The following CPSF6 variants were observed in gnomAD, a reference collection of about 807,000 sequenced individuals.
CPSF6 encodes cleavage and polyadenylation specific factor 6.
CPSF6 carries 10 observed loss-of-function variants against 56.7 expected under a neutral mutation model. That is an observed-to-expected ratio of 0.18 (90% CI 0.11 to 0.30). The LOEUF is 0.30. CPSF6 is among the 10% of genes least tolerant of loss of function. The probability of loss-of-function intolerance (pLI) is 1.00; values close to 1 mark genes in which losing one functional copy is unlikely to be tolerated. For synonymous variants in CPSF6, 248 were observed against 244.8 expected, an observed-to-expected ratio of 1.01 and a Z score of -0.12; for missense variants, 419 against 722.9, an observed-to-expected ratio of 0.58 and a Z score of 4.82.
chr12:69,252,274 C>T (rs987952006), intron 2 of CPSF6: 1 of 322,902 alleles, frequency 3.1e-6, no homozygotes. Flanking sequence ...GTAGAGCTGA[C>T]TTCTTGCTAT....
At chr12:69,241,709 TG>T (rs1215665689) in intron 1 of CPSF6, among the ~76,000 whole-genome samples, 1 of 152,206 alleles carries the variant, frequency 6.6e-6, no homozygotes, top group East Asian at 1.9e-4. Flanking sequence ...TCCTTTTAAA[TG>T]TAAGTTTTCA....
chr12:69,247,461 AT>A (rs1183740440), intron 1 of CPSF6, among the ~76,000 whole-genome samples: 1 of 151,988 alleles, frequency 6.6e-6, no homozygotes, highest in Non-Finnish European at 1.5e-5. Context: ...AGCAGATAAG[AT>A]TGGGCAACAT....
intron 3 of CPSF6, chr12:69,255,168 C>T (rs953219348): frequency 2.0e-5 from 3 of 152,196 alleles, no homozygotes; most frequent in African/African-American, 7.2e-5. Context: ...TGGCTTTTTT[C>T]CTTAGCATAA....
rs770000475 is a variant in CPSF6, at chr12:69,258,690, G to A, written c.795G>A (p.Gly265=). 2 of 1,613,866 alleles carry A rather than the reference G, an allele frequency of 1.2e-6. No homozygotes were observed. The highest frequency in any genetic ancestry group is 1.7e-6 in the Non-Finnish European group (2 of 1,179,974). Residue 265 remains glycine (G), a synonymous_variant, in exon 6 of 10, where the codon GGG becomes GGA. Coordinates refer to ENST00000435070, the MANE Select transcript of CPSF6 (RefSeq NM_007007.3). The surrounding 1 kb of genome is among the most constrained non-coding windows in gnomAD (Gnocchi z 4.2). ...AGGTTCTGCCTCCTCCTCTAGCTGG[G>A]CCTCCTAATCGAGGAGATCGCCCTC... The part of the protein sequence containing the change: ...PGQVLPPPLA[G]PPNRGDRPPP...
intron 7 of CPSF6, 155 bp from the exon 8 acceptor site, chr12:69,259,889 C>T: frequency 1.1e-5 from 3 of 278,240 alleles, no homozygotes; most frequent in Non-Finnish European, 1.6e-5. Context: ...AAGGCTTTTG[C>T]AAATGGTGAA....
rs769705740 is a variant in CPSF6, at chr12:69,273,766, A to G, written c.*4258A>G. ...GGAAAGGATCCTTTGGGTATAAATCATAATGTATTTTAAGGAATGCATCTA... is the reference window on the plus strand; with the variant it reads ...GGAAAGGATCCTTTGGGTATAAATCGTAATGTATTTTAAGGAATGCATCTA... On this transcript the variant is annotated 3_prime_UTR_variant, in exon 10 of 10. Coordinates refer to ENST00000435070, the MANE Select transcript of CPSF6 (RefSeq NM_007007.3). 2.0e-5 allele frequency: 3 copies of G among 151,916 alleles called. No homozygotes were observed. The highest frequency in any genetic ancestry group is 4.4e-5 in the Non-Finnish European group (3 of 67,862). 9.4% of individuals were successfully genotyped at this position (151,916 alleles called of 1,614,324 possible). A position where few individuals can be genotyped will look rare whatever the true frequency, so the allele number is the denominator to read the frequency against.
rs550449888 is a variant in CPSF6 at position 69,255,606 on chromosome 12, A to G, written c.375-1091A>G. On this transcript the variant is annotated intron_variant, in intron 3 of 9. Transcript: ENST00000435070. Reference sequence around the variant, plus strand: ...ACCCAGGCTGGAGTGCAGTGGCGCAATCTTGGCTCATTGCAACTTCTGCCT... The same window carrying G: ...ACCCAGGCTGGAGTGCAGTGGCGCAGTCTTGGCTCATTGCAACTTCTGCCT... Among the ~76,000 whole-genome samples the G allele has an allele frequency of 9.2e-5, 14 of 152,136 alleles. 1 individual carries two copies. Among genetic ancestry groups the G allele is most frequent in the Non-Finnish European group, 1.8e-4 (12 of 68,028 alleles).
Position 69,258,366 on chromosome 12 carries a change from A to G in CPSF6, c.695-224A>G, listed in dbSNP as rs1438490751. Among the ~76,000 whole-genome samples the G allele has an allele frequency of 6.6e-6, 1 of 152,162 alleles. No homozygotes were observed. Among genetic ancestry groups the G allele is most frequent in the African/African-American group, 2.4e-5 (1 of 41,440 alleles). ...AGGCATTGTAATATTTTTTTATTAA[A>G]GTTTTCGTTTCAATAATTTTTCTTA... On this transcript the variant is annotated intron_variant, in intron 5 of 9. Transcript: ENST00000435070. This position sits in a 1 kb window ranked among gnomAD's most constrained non-coding sequence, Gnocchi z 4.2.
chr12:69,244,389 A>G, intron 1 of CPSF6, among the ~76,000 whole-genome samples: 1 of 151,724 alleles, frequency 6.6e-6, no homozygotes. Flanking sequence ...ATGCCTGCCT[A>G]ATTATTGTAT....
rs3051104 is a variant in CPSF6, at chr12:69,274,109, C to CTTTTTTTTTTTTTT, written c.*4606_*4619dup. 2.5e-5 allele frequency: 3 copies of CTTTTTTTTTTTTTT among 119,088 alleles called. No individual in the cohort carries two copies. The highest frequency in any genetic ancestry group is 9.8e-5 in the African/African-American group (3 of 30,602). 7.4% of individuals were successfully genotyped at this position (119,088 alleles called of 1,614,324 possible). Reference sequence around the variant, plus strand: ...GTAAGGTGATAATTGATCTAATAGACTTTTTTTTTTTTTTTTTTGCTGTCC... The same window carrying CTTTTTTTTTTTTTT: ...GTAAGGTGATAATTGATCTAATAGACTTTTTTTTTTTTTTTTTTTTTTTTTTTTTTTTGCTGTCC... On this transcript the variant is annotated 3_prime_UTR_variant, in exon 10 of 10. Coordinates refer to ENST00000435070, the MANE Select transcript of CPSF6 (RefSeq NM_007007.3).
rs1871489349 is a variant in CPSF6 at position 69,239,632 on chromosome 12, C to CGAGGCT, written c.-12_-7dup. The CGAGGCT allele has an allele frequency of 2.6e-6, 4 of 1,565,398 alleles. No individual in the cohort carries two copies. The highest frequency in any genetic ancestry group is 2.8e-5 in the African/African-American group (2 of 70,484). Reference sequence around the variant, plus strand: ...AGGAGGCGGCGGCGGCGGCGGCGGCCGAGGCTGAAGGAAGATGGCGGACGG... The same window carrying CGAGGCT: ...AGGAGGCGGCGGCGGCGGCGGCGGCCGAGGCTGAGGCTGAAGGAAGATGGCGGACGG... On this transcript the variant is annotated 5_prime_UTR_variant, in exon 1 of 10. Coordinates refer to ENST00000435070, the MANE Select transcript of CPSF6 (RefSeq NM_007007.3).
chr12:69,273,031 GCC>G lies in CPSF6; in HGVS notation c.*3524_*3525del, dbSNP rs1873324195. On this transcript the variant is annotated 3_prime_UTR_variant, in exon 10 of 10. Coordinates refer to ENST00000435070, the MANE Select transcript of CPSF6 (RefSeq NM_007007.3). ...AAAATTATAAATTTATTAAGATGTG[GCC>G]TTACATATGGCATTCCTTGTGTTCG... is the stretch of plus-strand genomic sequence containing the variant. 8 of 243,226 alleles carry G rather than the reference GCC, an allele frequency of 3.3e-5. No homozygotes were observed. Among genetic ancestry groups the G allele is most frequent in the Admixed American group, 2.5e-4 (5 of 19,732 alleles). The allele number at this position is 243,226 out of a possible 1,614,324, so 15.1% of individuals were successfully genotyped here.
chr12:69,251,521 G>A (rs1317839642), intron 2 of CPSF6, among the ~76,000 whole-genome samples, 183 bp downstream of exon 2: 1 of 151,986 alleles, frequency 6.6e-6, no homozygotes, highest in African/African-American at 2.4e-5. Context: ...AATTCTTCTA[G>A]TTTTGAGTTT....
chr12:69,252,661 T>C (rs2120514395), intron 2 of CPSF6, among the ~76,000 whole-genome samples: 1 of 152,340 alleles, frequency 6.6e-6, no homozygotes, highest in Admixed American at 6.5e-5. Context: ...ATGTTAGTTT[T>C]TTCTTATCTG....
rs1248893566 is a variant in CPSF6 at position 69,262,426 on chromosome 12, G to A, written c.1523G>A (p.Arg508His). The change falls in exon 9 of 10, where the codon CGT becomes CAT. Residue 508 changes from arginine (R) to histidine (H), a missense_variant. Transcript: ENST00000435070. ...DHSRSREKSR[R>H]HKSRSRDRHD... ...AGTAGATCACGAGAAAAGAGTCGAC[G>A]TCATAAATCCCGTAGTAGAGACCGT... 9 of 1,612,432 alleles carry A rather than the reference G, an allele frequency of 5.6e-6. No individual in the cohort carries two copies. The highest frequency in any genetic ancestry group is 6.8e-6 in the Non-Finnish European group (8 of 1,178,856).
chr12:69,260,856 T>C (rs1426646756), intron 8 of CPSF6, among the ~76,000 whole-genome samples: 1 of 152,142 alleles, frequency 6.6e-6, no homozygotes, highest in African/African-American at 2.4e-5. Flanking sequence ...CAAGTAATCC[T>C]CTCAGCTTGG....
Position 69,239,756 on chromosome 12 carries a change from G to A in CPSF6, c.60+50G>A, listed in dbSNP as rs370008231. 12 of 1,533,390 alleles carry A rather than the reference G, an allele frequency of 7.8e-6. No individual in the cohort carries two copies. The African/African-American group carries it at 1.3e-4, about 17-fold the overall frequency. 95.0% of individuals were successfully genotyped at this position (1,533,390 alleles called of 1,614,324 possible). On this transcript the variant is annotated intron_variant, in intron 1 of 9. Transcript: ENST00000435070. The stretch of plus-strand genomic sequence containing the variant: ...CGCCGACGCGGGCGGCGCTGCGGCC[G>A]GGAAGCTGACCCGGGGCCCGCTGCG...
At position 69,258,982 on chromosome 12, in the gene CPSF6, C is replaced by G; in HGVS notation, c.1087C>G (p.Pro363Ala). The G allele has an allele frequency of 6.2e-7, 1 of 1,613,446 alleles. No homozygotes were observed. The highest frequency in any genetic ancestry group is 2.2e-5 in the East Asian group (1 of 44,876). Reference sequence around the variant, plus strand: ...TCCGCATGTGAACCCAGCTTTCTTTCCTCCACCAACTAACAGTGGCATGCC... The same window carrying G: ...TCCGCATGTGAACCCAGCTTTCTTTGCTCCACCAACTAACAGTGGCATGCC... Reference protein sequence around the residue: ...PAPHVNPAFFPPPTNSGMPTS... With the variant: ...PAPHVNPAFFAPPTNSGMPTS... Residue 363 changes from proline to alanine, a missense_variant, in exon 6 of 10, where the codon CCT (proline) becomes GCT (alanine). By Grantham distance (27) the Pro-to-Ala change is conservative (BLOSUM62 -1). This residue lies in a region of CPSF6 where 211 missense variants were observed against 296.0 expected (regional missense o/e 0.71). Coordinates refer to ENST00000435070, the MANE Select transcript of CPSF6 (RefSeq NM_007007.3). This position sits in a 1 kb window ranked among gnomAD's most constrained non-coding sequence, Gnocchi z 4.2.
intron 4 of CPSF6, among the ~76,000 whole-genome samples, chr12:69,257,266 C>A (rs1478988410): frequency 6.6e-6 from 1 of 152,126 alleles, no homozygotes; most frequent in Non-Finnish European, 1.5e-5. Context: ...ACTTGGTAAA[C>A]TGAATATAGA....
Sources: allele counts gnomAD v4.1 joint callset (sites outside exome capture counted in the v4.1 genomes callset), GRCh38; gene constraint gnomAD v4.1.1; regional missense constraint gnomAD v4.1.1; non-coding constraint Gnocchi (gnomAD v3.1); transcripts MANE v1.5; gene names NCBI Gene and HGNC (gene_info 2026-07-23, HGNC 2026-07-21).